Variants in NCS1 observed in about 807,000 individuals in gnomAD.
NCS1 encodes neuronal calcium sensor 1.
NCS1 carries 6 observed loss-of-function variants against 28.4 expected under a neutral mutation model. The observed-to-expected ratio is 0.21, with a 90% CI of 0.12 to 0.42. The LOEUF is 0.42. Ranked by LOEUF, NCS1 falls within the 10% of genes least tolerant of loss-of-function variation. NCS1 has a pLI of 1.00. For synonymous variants in NCS1, 86 were observed against 99.3 expected, an observed-to-expected ratio of 0.87 and a Z score of 0.79; for missense variants, 131 against 241.4, an observed-to-expected ratio of 0.54 and a Z score of 3.03.
intron 1 of NCS1, among the ~76,000 whole-genome samples, chr9:130,183,720 CCTT>C (rs1255263167): frequency 1.5e-5 from 2 of 137,182 alleles, no homozygotes; most frequent in East Asian, 2.1e-4. Flanking sequence ...TCCCTTCCTT[CCTT>C]CTTTCTCTCT....
At position 130,183,083 on chromosome 9, in the gene NCS1, G is replaced by T. The variant is rs577966295; in HGVS notation, c.64+10356G>T. 9.2e-5 allele frequency among the ~76,000 whole-genome samples: 14 copies of T among 152,324 alleles called. No individual in the cohort carries two copies. The South Asian group carries it at 1.7e-3, about 18-fold the overall frequency. On this transcript the variant is annotated intron_variant, in intron 1 of 7. Coordinates refer to ENST00000372398, the MANE Select transcript of NCS1 (RefSeq NM_014286.4). Reference sequence around the variant, plus strand: ...AAGAGTTTTTCCCTGCAGTGCTGTGGTTTGCTCTCCCTGGTGACCAGGACA... The same window carrying T: ...AAGAGTTTTTCCCTGCAGTGCTGTGTTTTGCTCTCCCTGGTGACCAGGACA...
rs565639168 is a variant in NCS1 at position 130,181,032 on chromosome 9, A to G, written c.64+8305A>G. ...CTGCCTGGGATTAAGTCCCAGGACC[A>G]TCATGGCCTGGACAGTGGCTTTGGA... is the stretch of plus-strand genomic sequence containing the variant. On this transcript the variant is annotated intron_variant, in intron 1 of 7. Coordinates refer to ENST00000372398, the MANE Select transcript of NCS1 (RefSeq NM_014286.4). The surrounding 1 kb of genome is among the most constrained non-coding windows in gnomAD (Gnocchi z 5.0). Among the ~76,000 whole-genome samples the G allele has an allele frequency of 6.6e-6, 1 of 152,328 alleles. No homozygotes were observed. Among genetic ancestry groups the G allele is most frequent in the South Asian group, 2.1e-4 (1 of 4,832 alleles).
At chr9:130,213,539 A>G (rs1236061527) in intron 2 of NCS1, among the ~76,000 whole-genome samples, 6 of 150,966 alleles carry the variant, frequency 4.0e-5, no homozygotes, top group African/African-American at 1.5e-4. Flanking sequence ...TCAGCCTCCC[A>G]AAGTGCTGGG....
Position 130,219,597 on chromosome 9 carries a change from T to A in NCS1, c.229-128T>A. 4 of 699,520 alleles carry A rather than the reference T, an allele frequency of 5.7e-6. No individual in the cohort carries two copies. The highest frequency in any genetic ancestry group is 6.8e-5 in the East Asian group (2 of 29,272). The allele number at this position is 699,520 out of a possible 1,614,324, so 43.3% of individuals were successfully genotyped here. On this transcript the variant is annotated intron_variant, in intron 3 of 7. Transcript: ENST00000372398. This position sits in a 1 kb window ranked among gnomAD's most constrained non-coding sequence, Gnocchi z 5.7. ...GCCCCCCATTCCTTCGAGCCTGCCC[T>A]CTCCACCTGAGTGTCCATTGGCCAC...
rs1554904714 is a variant in NCS1 at position 130,177,099 on chromosome 9, C to G, written c.64+4372C>G. ...AACCTTGACTCTCCTCTGCCTTTTC[C>G]CTAATGCCCAGAATGGTGCCGGCAC... On this transcript the variant is annotated intron_variant, in intron 1 of 7. Coordinates refer to ENST00000372398, the MANE Select transcript of NCS1 (RefSeq NM_014286.4). This position sits in a 1 kb window ranked among gnomAD's most constrained non-coding sequence, Gnocchi z 4.4. 6.6e-6 allele frequency among the ~76,000 whole-genome samples: 1 copy of G among 152,224 alleles called. No homozygotes were observed. The highest frequency in any genetic ancestry group is 2.4e-5 in the African/African-American group (1 of 41,466).
rs565641298 is a variant in NCS1 at position 130,175,356 on chromosome 9, G to A, written c.64+2629G>A. 3.9e-5 allele frequency among the ~76,000 whole-genome samples: 6 copies of A among 152,274 alleles called. No individual in the cohort carries two copies. In the East Asian group the frequency reaches 7.7e-4, roughly 20 times the overall value. ...TTCTGTGTATGGGGTCAAGAGAAGC[G>A]CCCCAGGAAGGACTCTCAAATGTCA... is the stretch of plus-strand genomic sequence containing the variant. On this transcript the variant is annotated intron_variant, in intron 1 of 7. Transcript: ENST00000372398. This position sits in a 1 kb window ranked among gnomAD's most constrained non-coding sequence, Gnocchi z 4.9.
intron 2 of NCS1, among the ~76,000 whole-genome samples, chr9:130,216,413 A>G (rs1033793261): frequency 6.6e-6 from 1 of 152,020 alleles, no homozygotes; most frequent in Admixed American, 6.6e-5. Context: ...CTGTTTCTTC[A>G]TCTGTAAAAT....
chr9:130,222,047 ATATATATACATAAATATAAATTATGTATC>A (rs1833331572), intron 4 of NCS1, among the ~76,000 whole-genome samples: 1 of 804 alleles, frequency 1.2e-3, no homozygotes, highest in Non-Finnish European at 2.8e-3. Flanking sequence ...GTATCTATAA[ATATATATACATAAATATAAATTATGTATC>A]TATAAATATA....
rs888225512 is a variant in NCS1 at position 130,175,462 on chromosome 9, C to T, written c.64+2735C>T. On this transcript the variant is annotated intron_variant, in intron 1 of 7. Coordinates refer to ENST00000372398, the MANE Select transcript of NCS1 (RefSeq NM_014286.4). The surrounding 1 kb of genome is among the most constrained non-coding windows in gnomAD (Gnocchi z 4.9). ...CCGATTCTTTAGGTCTGGCTGGGGCCCAGGAATTTGCATCCTTGACACGTG... is the reference window on the plus strand; with the variant it reads ...CCGATTCTTTAGGTCTGGCTGGGGCTCAGGAATTTGCATCCTTGACACGTG... Among the ~76,000 whole-genome samples the T allele has an allele frequency of 2.0e-5, 3 of 152,126 alleles. No individual in the cohort carries two copies. Among genetic ancestry groups the T allele is most frequent in the African/African-American group, 7.2e-5 (3 of 41,416 alleles).
intron 2 of NCS1, among the ~76,000 whole-genome samples, chr9:130,208,781 C>T (rs34683584): frequency 0.071 from 10,783 of 152,138 alleles, 463 homozygotes; most frequent in Middle Eastern, 0.12. Flanking sequence ...GCTGATGAAA[C>T]GGTGCCGTGC....
intron 1 of NCS1, among the ~76,000 whole-genome samples, chr9:130,187,199 C>T (rs1832748696): frequency 1.3e-5 from 2 of 152,134 alleles, no homozygotes; most frequent in Admixed American, 6.5e-5. Context: ...CAGGGAGGCA[C>T]CGGCAGGTAT....
At chr9:130,196,447 A>G (rs1832879178) in intron 1 of NCS1, among the ~76,000 whole-genome samples, 1 of 152,130 alleles carries the variant, frequency 6.6e-6, no homozygotes, top group Non-Finnish European at 1.5e-5. Context: ...AGCTCAGAGC[A>G]TATCTCCAAA....
intron 1 of NCS1, among the ~76,000 whole-genome samples, chr9:130,183,310 G>T (rs371170159): frequency 0.018 from 2,407 of 131,200 alleles, 55 homozygotes; most frequent in African/African-American, 0.068. Flanking sequence ...TGCGGCTGGG[G>T]GGGGGAGCTC....
In NCS1 at chr9:130,214,924, C is replaced by A. The variant is rs541159497; in HGVS notation, c.90-2908C>A. Among the ~76,000 whole-genome samples, 3 of 152,346 alleles carry A rather than the reference C, an allele frequency of 2.0e-5. No individual in the cohort carries two copies. The East Asian group carries it at 5.8e-4, about 29-fold the overall frequency. On this transcript the variant is annotated intron_variant, in intron 2 of 7. Coordinates refer to ENST00000372398, the MANE Select transcript of NCS1 (RefSeq NM_014286.4). ...GCCAGTTTCCCTCTGCAAAGACCTT[C>A]ACTGCCAGCCTTTCACAGCTGCTCA...
chr9:130,221,377 CATAT>C (rs370084084), intron 4 of NCS1, among the ~76,000 whole-genome samples: 2,413 of 84,068 alleles, frequency 0.029, 20 homozygotes, highest in Admixed American at 0.034. Flanking sequence ...TATAAAATAT[CATAT>C]ATATATATAT....
At chr9:130,224,801 C>T (rs1554911180) in intron 6 of NCS1, among the ~76,000 whole-genome samples, 3 of 152,176 alleles carry the variant, frequency 2.0e-5, no homozygotes, top group Non-Finnish European at 2.9e-5. Flanking sequence ...ATAAGGAATC[C>T]TTCTTTAAAT....
chr9:130,172,768 C>G, intron 1 of NCS1, 41 bp downstream of exon 1: 4 of 1,159,286 alleles, frequency 3.5e-6, no homozygotes, highest in Non-Finnish European at 4.6e-6. Context: ...CGCGGTCACC[C>G]CCACACCCAC....
rs1833521963 is a variant in NCS1, at chr9:130,233,252, G to T, written c.*280G>T. 6.6e-6 allele frequency: 1 copy of T among 152,184 alleles called. No homozygotes were observed. The allele number at this position is 152,184 out of a possible 1,614,324, so 9.4% of individuals were successfully genotyped here. On this transcript the variant is annotated 3_prime_UTR_variant, in exon 8 of 8. Coordinates refer to ENST00000372398, the MANE Select transcript of NCS1 (RefSeq NM_014286.4). The surrounding 1 kb of genome is among the most constrained non-coding windows in gnomAD (Gnocchi z 4.8). The stretch of plus-strand genomic sequence containing the variant: ...AGCCCTCTGCATAAACCAAGGACTT[G>T]GCTGCCTCGCAGGCAGCCTCCGTTC...
rs1554909259 is a variant in NCS1 at position 130,215,755 on chromosome 9, C to A, written c.90-2077C>A. On this transcript the variant is annotated intron_variant, in intron 2 of 7. Coordinates refer to ENST00000372398, the MANE Select transcript of NCS1 (RefSeq NM_014286.4). The surrounding 1 kb of genome is among the most constrained non-coding windows in gnomAD (Gnocchi z 4.2). ...GTGGTTCCTGAGCCAGGACCTACCT[C>A]CCTGGGCCTCTGGCACCCTTCAAGG... Among the ~76,000 whole-genome samples, 1 of 152,146 alleles carries A rather than the reference C, an allele frequency of 6.6e-6. No homozygotes were observed.
Sources: gnomAD v4.1 joint callset for allele counts (sites outside exome capture counted in the v4.1 genomes callset) on GRCh38, gnomAD v4.1.1 for gene constraint, Gnocchi (gnomAD v3.1) non-coding constraint, MANE v1.5 for transcripts, NCBI Gene and HGNC (gene_info 2026-07-23, HGNC 2026-07-21) for gene names.